Variants in TACR3 observed in about 807,000 individuals in gnomAD.
TACR3 encodes neuromedin-K receptor.
Under a neutral mutation model 35.0 loss-of-function variants are expected in TACR3, and 34 were observed. The observed-to-expected ratio is 0.97, with a 90% CI of 0.74 to 1.30. TACR3 has a LOEUF of 1.30. Ranked by LOEUF, TACR3 falls within the 50% of genes most tolerant of loss-of-function variation. TACR3 has a pLI of 0.00. For synonymous variants in TACR3, 233 were observed against 221.1 expected, an observed-to-expected ratio of 1.05 and a Z score of -0.48; for missense variants, 558 against 591.7, an observed-to-expected ratio of 0.94 and a Z score of 0.59.
chr4:103,684,202 A>G (rs1722177756), intron 1 of TACR3, among the ~76,000 whole-genome samples: 1 of 152,148 alleles, frequency 6.6e-6, no homozygotes, highest in African/African-American at 2.4e-5. Context: ...TCTATTTAAC[A>G]TTGTGCTAAA....
intron 1 of TACR3, among the ~76,000 whole-genome samples, chr4:103,713,498 G>A (rs903493898): frequency 8.0e-5 from 12 of 149,566 alleles, no homozygotes; most frequent in African/African-American, 1.7e-4. Context: ...GGGAGGGATA[G>A]CATTAGGAAA....
At chr4:103,698,893 A>G (rs1211768724) in intron 1 of TACR3, among the ~76,000 whole-genome samples, 1 of 152,196 alleles carries the variant, frequency 6.6e-6, no homozygotes, top group Non-Finnish European at 1.5e-5. Context: ...ACTGTATAAA[A>G]ACATCACATG....
intron 3 of TACR3, among the ~76,000 whole-genome samples, chr4:103,622,236 T>TAATC (rs1438436099): frequency 6.6e-6 from 1 of 152,182 alleles, no homozygotes; most frequent in Non-Finnish European, 1.5e-5. Context: ...CACAGCGAAT[T>TAATC]AATCAAAGGT....
Position 103,701,297 on chromosome 4 carries a change from C to T in TACR3, c.548+17831G>A, listed in dbSNP as rs538119466. Among the ~76,000 whole-genome samples the T allele has an allele frequency of 8.0e-3, 1,212 of 151,818 alleles. 17 individuals carry two copies. The highest frequency in any genetic ancestry group is 0.028 in the African/African-American group (1,160 of 41,394). ...CAAATCATGAGTGAACTCCCATTCA[C>T]AATTGCTTCAAAGAGAATAAAATAC... is the stretch of plus-strand genomic sequence containing the variant. On this transcript the variant is annotated intron_variant, in intron 1 of 4. Transcript: ENST00000304883.
intron 1 of TACR3, among the ~76,000 whole-genome samples, chr4:103,675,413 TAAGG>T (rs1726147156): frequency 6.6e-6 from 1 of 152,156 alleles, no homozygotes; most frequent in Non-Finnish European, 1.5e-5. Context: ...TATTAGGAAA[TAAGG>T]AGTCTCAGTC....
chr4:103,639,600 A>T (rs1427398237), intron 3 of TACR3, among the ~76,000 whole-genome samples: 1 of 152,198 alleles, frequency 6.6e-6, no homozygotes, highest in Middle Eastern at 3.4e-3. Context: ...ATAATAAAAT[A>T]AAATGAAAAA....
At chr4:103,675,925 C>T (rs1001067592) in intron 1 of TACR3, among the ~76,000 whole-genome samples, 17 of 152,156 alleles carry the variant, frequency 1.1e-4, no homozygotes, top group Admixed American at 3.9e-4. Context: ...AATTATCCCT[C>T]TTGCTCATAC....
rs560836028 is a variant in TACR3, at chr4:103,637,420, G to A, written c.888+18774C>T. On this transcript the variant is annotated intron_variant, in intron 3 of 4. Transcript: ENST00000304883. The stretch of plus-strand genomic sequence containing the variant: ...ATGCTAAAAACTCTCAATAAATTAG[G>A]TATTGATGGGACGTATCTCAAAATA... Among the ~76,000 whole-genome samples, 923 of 152,162 alleles carry A rather than the reference G, an allele frequency of 6.1e-3. 7 individuals carry two copies. Among genetic ancestry groups the A allele is most frequent in the Non-Finnish European group, 8.9e-3 (607 of 68,028 alleles).
rs551025969 is a variant in TACR3 at position 103,588,231 on chromosome 4, G to T, written c.*1451C>A. ...AGGCACAACAGTAAAGTGTTTGTTA[G>T]AGAGTATTATTTTAGACAAATATCT... On this transcript the variant is annotated 3_prime_UTR_variant, in exon 5 of 5. Transcript: ENST00000304883. 6.6e-6 allele frequency: 1 copy of T among 152,188 alleles called. No individual in the cohort carries two copies. Among genetic ancestry groups the T allele is most frequent in the Admixed American group, 6.6e-5 (1 of 15,260 alleles). 9.4% of individuals were successfully genotyped at this position (152,188 alleles called of 1,614,324 possible).
chr4:103,600,471 C>G (rs905528951), intron 3 of TACR3, among the ~76,000 whole-genome samples: 2 of 152,154 alleles, frequency 1.3e-5, no homozygotes, highest in Non-Finnish European at 2.9e-5. Flanking sequence ...CAGTTCTGCT[C>G]TGATCTTAGT....
intron 3 of TACR3, among the ~76,000 whole-genome samples, chr4:103,600,929 A>G (rs1189752573): frequency 2.0e-5 from 3 of 152,110 alleles, no homozygotes; most frequent in Non-Finnish European, 4.4e-5. Context: ...AAAAGAATGC[A>G]TATTTTGTTG....
chr4:103,654,726 A>AT (rs1725697159), intron 3 of TACR3, among the ~76,000 whole-genome samples: 1 of 151,976 alleles, frequency 6.6e-6, no homozygotes, highest in Non-Finnish European at 1.5e-5. Context: ...AAAGAAATAA[A>AT]TGACAGAAAC....
intron 3 of TACR3, among the ~76,000 whole-genome samples, chr4:103,607,787 CAGAT>C (rs1238665239): frequency 1.3e-5 from 2 of 152,004 alleles, no homozygotes; most frequent in East Asian, 1.9e-4. Context: ...TGAAGTCAGT[CAGAT>C]AGAGACAAAG....
chr4:103,619,479 T>C (rs1315553202), intron 3 of TACR3, among the ~76,000 whole-genome samples: 1 of 152,174 alleles, frequency 6.6e-6, no homozygotes, highest in Non-Finnish European at 1.5e-5. Flanking sequence ...CATGAGCCAC[T>C]GCACCTGGCC....
intron 1 of TACR3, among the ~76,000 whole-genome samples, chr4:103,681,986 CT>C (rs1722101234): frequency 6.6e-6 from 1 of 152,044 alleles, no homozygotes; most frequent in Non-Finnish European, 1.5e-5. Flanking sequence ...ACACAAAACA[CT>C]CTTAAATAAT....
At chr4:103,713,780 C>G (rs1163532191) in intron 1 of TACR3, among the ~76,000 whole-genome samples, 2 of 152,002 alleles carry the variant, frequency 1.3e-5, no homozygotes, top group Non-Finnish European at 1.5e-5. Context: ...TAGTATAAAG[C>G]AACTTTTGCA....
intron 3 of TACR3, among the ~76,000 whole-genome samples, chr4:103,640,098 G>T (rs1218714064): frequency 6.6e-6 from 1 of 151,854 alleles, no homozygotes; most frequent in Admixed American, 6.6e-5. Context: ...TCAAAACATT[G>T]CAAGAAAAAT....
At chr4:103,643,962 A>C (rs920268509) in intron 3 of TACR3, among the ~76,000 whole-genome samples, 1 of 151,726 alleles carries the variant, frequency 6.6e-6, no homozygotes, top group African/African-American at 2.4e-5. Flanking sequence ...ATTTCCTCCT[A>C]ATGTTTATCT....
At chr4:103,712,890 G>A (rs929116667) in intron 1 of TACR3, among the ~76,000 whole-genome samples, 5 of 152,118 alleles carry the variant, frequency 3.3e-5, no homozygotes, top group African/African-American at 4.8e-5. Flanking sequence ...ATCATCACTG[G>A]CCATCAGAGA....
Sources: allele counts gnomAD v4.1 joint callset (sites outside exome capture counted in the v4.1 genomes callset), GRCh38; gene constraint gnomAD v4.1.1; transcripts MANE v1.5; gene names NCBI Gene and HGNC (gene_info 2026-07-23, HGNC 2026-07-21).